The following RAB40B variants were observed in gnomAD, a reference collection of about 807,000 sequenced individuals.
The protein encoded by RAB40B is RAB40B, member RAS oncogene family.
A neutral mutation model predicts 24.0 loss-of-function variants in RAB40B; 21 were observed. The observed-to-expected ratio is 0.88, with a 90% CI of 0.62 to 1.26. The LOEUF is 1.26. Among genes scored for constraint, RAB40B ranks in the 50% most tolerant of loss-of-function variants. The pLI is 0.00. For synonymous variants in RAB40B, 167 were observed against 169.8 expected, an observed-to-expected ratio of 0.98 and a Z score of 0.13; for missense variants, 348 against 390.5, an observed-to-expected ratio of 0.89 and a Z score of 0.92.
intron 1 of RAB40B, among the ~76,000 whole-genome samples, chr17:82,673,091 A>G (rs1165231370): frequency 6.6e-6 from 1 of 152,036 alleles, no homozygotes; most frequent in Non-Finnish European, 1.5e-5. Flanking sequence ...GTAGTCCCAG[A>G]TACTTGGGAG....
Position 82,659,614 on chromosome 17 carries a change from T to C in RAB40B, c.308A>G (p.Asp103Gly), listed in dbSNP as rs202021296. The change falls in exon 4 of 6, where the codon GAC becomes GGC. Residue 103 changes from aspartate (D) to glycine (G), a missense_variant. Coordinates refer to ENST00000571995, the MANE Select transcript of RAB40B (RefSeq NM_006822.3). ...CTCCTTAATCCATCGATCAATGCCG[T>C]CAAAAGACCAGCGGTTCGCAATGTC... ...VYDIANRWSF[D>G]GIDRWIKEID... 2 of 1,613,922 alleles carry C rather than the reference T, an allele frequency of 1.2e-6. No homozygotes were observed. The highest frequency in any genetic ancestry group is 3.3e-5 in the Admixed American group (2 of 59,992).
At chr17:82,681,363 A>G (rs1360094573) in intron 1 of RAB40B, among the ~76,000 whole-genome samples, 1 of 152,236 alleles carries the variant, frequency 6.6e-6, no homozygotes. Flanking sequence ...CTGAACAGTT[A>G]GAAGCAGCCG....
intron 4 of RAB40B, 121 bp from the exon 5 acceptor site, chr17:82,658,834 C>T: frequency 1.2e-6 from 1 of 849,454 alleles, no homozygotes; most frequent in South Asian, 1.8e-5. Context: ...AGAACCTCAG[C>T]ATGGGACCTC....
chr17:82,685,042 GGCAGGGGTT>G (rs2046483702), intron 1 of RAB40B, among the ~76,000 whole-genome samples: 1 of 151,454 alleles, frequency 6.6e-6, no homozygotes. Context: ...TGAATCCAAA[GGCAGGGGTT>G]GCAGTGAGCC....
At chr17:82,679,663 C>T (rs746123515) in intron 1 of RAB40B, among the ~76,000 whole-genome samples, 1 of 152,246 alleles carries the variant, frequency 6.6e-6, no homozygotes, top group Non-Finnish European at 1.5e-5. Context: ...TCAGGCTGGA[C>T]AAGTGCTGCA....
intron 4 of RAB40B, chr17:82,658,943 A>T: frequency 1.9e-6 from 1 of 514,512 alleles, no homozygotes; most frequent in Non-Finnish European, 3.5e-6. Flanking sequence ...AGAAGAGAAG[A>T]CACAGACACT....
intron 1 of RAB40B, among the ~76,000 whole-genome samples, chr17:82,671,491 C>T (rs78964815): frequency 1.5e-4 from 2 of 12,998 alleles, no homozygotes; most frequent in African/African-American, 2.3e-4. Flanking sequence ...TCACATGCTC[C>T]CTGTACTCAC....
rs901268214 is a variant in RAB40B, at chr17:82,675,963, C to A, written c.143-11407G>T. 6.6e-6 allele frequency among the ~76,000 whole-genome samples: 1 copy of A among 152,110 alleles called. No homozygotes were observed. Among genetic ancestry groups the A allele is most frequent in the African/African-American group, 2.4e-5 (1 of 41,408 alleles). ...GTGACGACCTGAAGCCCCTGGTACT[C>A]TGAGTCTCCTGGTACGGGACGGTGA... On this transcript the variant is annotated intron_variant, in intron 1 of 5. Coordinates refer to ENST00000571995, the MANE Select transcript of RAB40B (RefSeq NM_006822.3). This position sits in a 1 kb window ranked among gnomAD's most constrained non-coding sequence, Gnocchi z 4.5.
intron 1 of RAB40B, among the ~76,000 whole-genome samples, chr17:82,672,162 T>C: frequency 6.7e-6 from 1 of 148,486 alleles, no homozygotes; most frequent in South Asian, 2.1e-4. Flanking sequence ...AGCTCACCCC[T>C]GTAACTCTAA....
In RAB40B at chr17:82,698,663, C is replaced by A; in HGVS notation, c.-67G>T. ...CTGAGCGCAGAGGCGGCGGCCCGGCCCCGAGAGGCGCCGCGCGGGCCCCGA... is the reference window on the plus strand; with the variant it reads ...CTGAGCGCAGAGGCGGCGGCCCGGCACCGAGAGGCGCCGCGCGGGCCCCGA... On this transcript the variant is annotated 5_prime_UTR_variant, in exon 1 of 6. Coordinates refer to ENST00000571995, the MANE Select transcript of RAB40B (RefSeq NM_006822.3). The A allele has an allele frequency of 8.7e-7, 1 of 1,148,632 alleles. No homozygotes were observed. Among genetic ancestry groups the A allele is most frequent in the Non-Finnish European group, 1.1e-6 (1 of 925,306 alleles). 71.2% of individuals were successfully genotyped at this position (1,148,632 alleles called of 1,614,324 possible).
intron 1 of RAB40B, among the ~76,000 whole-genome samples, chr17:82,672,518 G>A (rs996165203): frequency 2.0e-5 from 3 of 152,260 alleles, no homozygotes; most frequent in African/African-American, 4.8e-5. Context: ...CGTTAGAAAG[G>A]TAAACCTCCA....
chr17:82,682,162 T>C (rs1180631592), intron 1 of RAB40B, among the ~76,000 whole-genome samples: 1 of 151,204 alleles, frequency 6.6e-6, no homozygotes, highest in African/African-American at 2.4e-5. Context: ...CACACACACA[T>C]ACACCTCTCC....
chr17:82,679,018 G>A (rs1411648803), intron 1 of RAB40B, among the ~76,000 whole-genome samples: 3 of 151,348 alleles, frequency 2.0e-5, no homozygotes, highest in East Asian at 3.9e-4. Flanking sequence ...AGGTAGCTGG[G>A]ACTACAGGCA....
intron 1 of RAB40B, among the ~76,000 whole-genome samples, chr17:82,684,017 T>A (rs2046471261): frequency 6.6e-6 from 1 of 151,926 alleles, no homozygotes; most frequent in East Asian, 1.9e-4. Flanking sequence ...AGTCAGGAGT[T>A]CGAGACCAGC....
chr17:82,662,238 T>A, intron 2 of RAB40B: 1 of 985,450 alleles, frequency 1.0e-6, no homozygotes, highest in Non-Finnish European at 1.2e-6. Flanking sequence ...GTGCCTCATT[T>A]CCTGAGAAGC....
rs1029830479 is a variant in RAB40B, at chr17:82,692,552, G to A, written c.142+5903C>T. Among the ~76,000 whole-genome samples the A allele has an allele frequency of 3.9e-5, 6 of 151,906 alleles. No individual in the cohort carries two copies. The highest frequency in any genetic ancestry group is 1.5e-4 in the African/African-American group (6 of 41,328). On this transcript the variant is annotated intron_variant, in intron 1 of 5. Coordinates refer to ENST00000571995, the MANE Select transcript of RAB40B (RefSeq NM_006822.3). The surrounding 1 kb of genome is among the most constrained non-coding windows in gnomAD (Gnocchi z 4.0). ...ACGGTGCAGACCCAGACCCACAGGC[G>A]GGCTCTCAGCTGGGACAACGGTGGC...
At chr17:82,690,378 T>C (rs979324068) in intron 1 of RAB40B, among the ~76,000 whole-genome samples, 1 of 145,264 alleles carries the variant, frequency 6.9e-6, no homozygotes, top group Non-Finnish European at 1.5e-5. Flanking sequence ...ATCTGCAGAA[T>C]TGGAAGGAGC....
chr17:82,664,649 G>T, intron 1 of RAB40B, 93 bp from the exon 2 acceptor site: 1 of 1,239,154 alleles, frequency 8.1e-7, no homozygotes, highest in Non-Finnish European at 1.2e-6. Context: ...TTTCTCATCA[G>T]TGCAACTTCC....
intron 1 of RAB40B, among the ~76,000 whole-genome samples, chr17:82,666,032 GCACCTGCCACCA>G (rs71168129): frequency 0.2 from 30,577 of 151,276 alleles, 3,423 homozygotes; most frequent in Middle Eastern, 0.29. Context: ...GCACACCACT[GCACCTGCCACCA>G]CACCTGCCAC....
Sources: gnomAD v4.1 joint callset for allele counts (sites outside exome capture counted in the v4.1 genomes callset) on GRCh38, gnomAD v4.1.1 for gene constraint, Gnocchi (gnomAD v3.1) non-coding constraint, MANE v1.5 for transcripts, NCBI Gene and HGNC (gene_info 2026-07-23, HGNC 2026-07-21) for gene names.